Variants in RAD18 observed in about 807,000 individuals in gnomAD.
RAD18 encodes the protein E3 ubiquitin-protein ligase RAD18.
In RAD18, 47 loss-of-function variants were observed where a neutral mutation model predicts 60.4. The ratio of observed to expected loss-of-function variants is 0.78; its 90% CI spans 0.62 to 0.99. The LOEUF is 0.99. Ranked by LOEUF, RAD18 falls within the 50% of genes least tolerant of loss-of-function variation. The probability of loss-of-function intolerance (pLI) is 0.00; values close to 1 mark genes in which losing one functional copy is unlikely to be tolerated. For missense variants in RAD18, 640 were observed against 593.3 expected, an observed-to-expected ratio of 1.08 and a Z score of -0.82; for synonymous variants, 225 against 195.5, an observed-to-expected ratio of 1.15 and a Z score of -1.26.
chr3:8,900,743 T>G (rs1018068633), intron 10 of RAD18, among the ~76,000 whole-genome samples: 1 of 152,212 alleles, frequency 6.6e-6, no homozygotes, highest in African/African-American at 2.4e-5. Context: ...TGTATGATGC[T>G]ATACAAAATC....
At chr3:8,924,964 ATCT>A (rs1940404233) in intron 7 of RAD18, among the ~76,000 whole-genome samples, 1 of 152,002 alleles carries the variant, frequency 6.6e-6, no homozygotes, top group Non-Finnish European at 1.5e-5. Context: ...AGCAGGAAAG[ATCT>A]AAAATTGACA....
At chr3:8,903,142 G>A (rs902170455) in intron 9 of RAD18, among the ~76,000 whole-genome samples, 4 of 152,088 alleles carry the variant, frequency 2.6e-5, no homozygotes, top group Admixed American at 1.3e-4. Flanking sequence ...ACAAAGGGCT[G>A]GAGTGTCATG....
chr3:8,939,779 A>G (rs1453593254), intron 5 of RAD18, 126 bp from the exon 6 acceptor site: 1 of 753,188 alleles, frequency 1.3e-6, no homozygotes, highest in Non-Finnish European at 2.1e-6. Flanking sequence ...TTAGAAAAGC[A>G]GAAAAGAAAA....
chr3:8,883,698 G>C (rs558769072), intron 12 of RAD18, among the ~76,000 whole-genome samples: 1 of 152,024 alleles, frequency 6.6e-6, no homozygotes, highest in South Asian at 2.1e-4. Flanking sequence ...AAGCATGCAC[G>C]GAAGCTCTAT....
At chr3:8,933,797 T>G (rs878992281) in intron 7 of RAD18, among the ~76,000 whole-genome samples, 1 of 152,134 alleles carries the variant, frequency 6.6e-6, no homozygotes, top group African/African-American at 2.4e-5. Flanking sequence ...TAATCCCAAT[T>G]TAAAAACTTA....
intron 7 of RAD18, among the ~76,000 whole-genome samples, chr3:8,917,206 A>C (rs1940218725): frequency 6.6e-6 from 1 of 152,204 alleles, no homozygotes. Context: ...CAGAATTCTA[A>C]TAAAAATATC....
chr3:8,942,344 G>C (rs1387648870), intron 4 of RAD18, among the ~76,000 whole-genome samples: 1 of 152,110 alleles, frequency 6.6e-6, no homozygotes, highest in South Asian at 2.1e-4. Context: ...CATGCTGCCC[G>C]TCTTTTGTTT....
chr3:8,953,872 T>G (rs1262131640), intron 2 of RAD18, among the ~76,000 whole-genome samples: 2 of 152,142 alleles, frequency 1.3e-5, no homozygotes, highest in East Asian at 3.8e-4. Flanking sequence ...AAAGCTTGTG[T>G]AGAAGTAAAA....
chr3:8,906,301 T>C (rs575750823), intron 9 of RAD18, among the ~76,000 whole-genome samples: 1 of 152,232 alleles, frequency 6.6e-6, no homozygotes, highest in Admixed American at 6.5e-5. Context: ...TCTCCCAATT[T>C]AAATAACAAA....
chr3:8,922,078 C>A (rs185028738), intron 7 of RAD18, among the ~76,000 whole-genome samples: 2 of 152,168 alleles, frequency 1.3e-5, no homozygotes, highest in Non-Finnish European at 2.9e-5. Context: ...TGGGGATTTT[C>A]GGACAGTGGG....
At chr3:8,936,995 A>G (rs1253635686) in intron 6 of RAD18, among the ~76,000 whole-genome samples, 1 of 152,234 alleles carries the variant, frequency 6.6e-6, no homozygotes, top group African/African-American at 2.4e-5. Flanking sequence ...GCCATTCCCC[A>G]AATAAATTAT....
intron 7 of RAD18, among the ~76,000 whole-genome samples, chr3:8,921,117 A>G (rs543703523): frequency 2.9e-4 from 44 of 152,358 alleles, no homozygotes; most frequent in African/African-American, 1.0e-3. Context: ...ATATGGACAC[A>G]TACACACATT....
At chr3:8,915,528 A>T (rs936476315) in intron 7 of RAD18, among the ~76,000 whole-genome samples, 2 of 152,060 alleles carry the variant, frequency 1.3e-5, no homozygotes, top group Non-Finnish European at 2.9e-5. Context: ...ATGAAAATAT[A>T]AAAATTTTGG....
chr3:8,933,195 T>C (rs1191700008), intron 7 of RAD18, among the ~76,000 whole-genome samples: 1 of 152,136 alleles, frequency 6.6e-6, no homozygotes, highest in African/African-American at 2.4e-5. Flanking sequence ...AAGTGACAGA[T>C]ACCATATGTA....
chr3:8,923,084 G>C (rs560676072), intron 7 of RAD18, among the ~76,000 whole-genome samples: 3 of 152,312 alleles, frequency 2.0e-5, no homozygotes, highest in East Asian at 1.9e-4. Flanking sequence ...GACGAGTTGA[G>C]AGAAGAACGC....
chr3:8,889,644 C>A (rs1004101726), intron 12 of RAD18, among the ~76,000 whole-genome samples: 4 of 152,058 alleles, frequency 2.6e-5, no homozygotes, highest in Non-Finnish European at 5.9e-5. Flanking sequence ...TGGGAGAGAG[C>A]TTTTCATGCA....
rs748730615 is a variant in RAD18, at chr3:8,941,731, C to T, written c.340G>A (p.Val114Ile). ...PASSSSKNLA[V>I]KVYTPVASRQ... The stretch of plus-strand genomic sequence containing the variant: ...GAGGCTACAGGAGTATATACTTTGA[C>T]AGCAAGATTCTTTGAAGAGGAAGAA... The change falls in exon 5 of 13, where the codon GTC becomes ATC. Residue 114 changes from valine to isoleucine, a missense_variant. Val to Ile is a conservative substitution (Grantham distance 29, BLOSUM62 3). Coordinates refer to ENST00000264926, the MANE Select transcript of RAD18 (RefSeq NM_020165.4). The T allele has an allele frequency of 1.2e-6, 2 of 1,614,128 alleles. No individual in the cohort carries two copies. Among genetic ancestry groups the T allele is most frequent in the Non-Finnish European group, 1.7e-6 (2 of 1,179,998 alleles).
Position 8,879,415 on chromosome 3 carries a change from T to A in RAD18, c.*1942A>T, listed in dbSNP as rs193268375. 4 of 152,324 alleles carry A rather than the reference T, an allele frequency of 2.6e-5. No individual in the cohort carries two copies. The highest frequency in any genetic ancestry group is 2.0e-4 in the Admixed American group (3 of 15,302). 9.4% of individuals were successfully genotyped at this position (152,324 alleles called of 1,614,324 possible). On this transcript the variant is annotated 3_prime_UTR_variant, in exon 13 of 13. Coordinates refer to ENST00000264926, the MANE Select transcript of RAD18 (RefSeq NM_020165.4). ...TCATGTGCACACAGAGAAAAGACCA[T>A]GCAAGGACACCATGAGTGGAAGCCA...
chr3:8,924,069 T>C lies in RAD18; in HGVS notation c.890-10349A>G, dbSNP rs558040753. The stretch of plus-strand genomic sequence containing the variant: ...AATCAAATTCACACATAATATTAAC[T>C]TTAAATGTAAATGGGCTAAATGCTC... On this transcript the variant is annotated intron_variant, in intron 7 of 12. Transcript: ENST00000264926. Among the ~76,000 whole-genome samples the C allele has an allele frequency of 3.9e-5, 6 of 152,184 alleles. No homozygotes were observed. In the East Asian group the frequency reaches 1.2e-3, roughly 29 times the overall value.
Sources: allele counts gnomAD v4.1 joint callset (sites outside exome capture counted in the v4.1 genomes callset), GRCh38; gene constraint gnomAD v4.1.1; transcripts MANE v1.5; gene names NCBI Gene and HGNC (gene_info 2026-07-23, HGNC 2026-07-21).